Variants in HPD observed in about 807,000 individuals in gnomAD.
HPD encodes 4-hydroxyphenylpyruvate dioxygenase, also known as 4-hydroxyphenylpyruvic acid oxidase.
Under a neutral mutation model 56.9 loss-of-function variants are expected in HPD, and 35 were observed. That is an observed-to-expected ratio of 0.62 (90% CI 0.47 to 0.82). The LOEUF (loss-of-function observed/expected upper bound fraction) is 0.82, where lower values mean the gene tolerates loss of function less well. Among genes scored for constraint, HPD ranks in the 40% least tolerant of loss-of-function variants. The pLI is 0.00. For missense variants in HPD, 442 were observed against 506.8 expected (o/e 0.87, Z 1.23); for synonymous variants, 186 against 200.2 (o/e 0.93, Z 0.60).
chr12:121,871,300 G>A, the HPD span, among the ~76,000 whole-genome samples: 2 of 151,964 alleles, frequency 1.3e-5, no homozygotes, highest in Non-Finnish European at 2.9e-5. Context: ...AGGAGGTTGA[G>A]GCTACAGTGA....
At position 121,849,978 on chromosome 12, in the gene HPD, C is replaced by T. The variant is rs112637816; in HGVS notation, c.415-188G>A. 1,328 of 630,382 alleles carry T rather than the reference C, an allele frequency of 2.1e-3. 17 individuals carry two copies. The African/African-American group carries it at 0.021, about 10-fold the overall frequency. 39.0% of individuals were successfully genotyped at this position (630,382 alleles called of 1,614,324 possible). A position where few individuals can be genotyped will look rare whatever the true frequency, so the allele number is the denominator to read the frequency against. On this transcript the variant is annotated intron_variant, in intron 7 of 13. Transcript: ENST00000289004. ...AATCTGTCACTTGTTTGAGAGTTTC[C>T]GTGAGGGCGGGGACACTGTTTTGCT...
chr12:121,858,636 G>C lies in HPD; in HGVS notation c.30+51C>G, dbSNP rs372487301. On this transcript the variant is annotated intron_variant, in intron 2 of 13. Coordinates refer to ENST00000289004, the MANE Select transcript of HPD (RefSeq NM_002150.3). ...TGAAACCCCAGTCTCCCTGCACTCC[G>C]ACCCCCTTCTAGACTCAGGCCCCTA... 3.8e-6 allele frequency: 6 copies of C among 1,577,078 alleles called. No homozygotes were observed. In the Admixed American group the frequency reaches 6.7e-5, roughly 18 times the overall value.
the HPD span, among the ~76,000 whole-genome samples, chr12:121,886,555 G>A: frequency 4.6e-5 from 7 of 151,828 alleles, no homozygotes; most frequent in East Asian, 7.8e-4. Context: ...TACTCTTCAC[G>A]TGGATTTGCT....
intron 4 of HPD, 155 bp downstream of exon 4, chr12:121,857,173 G>A (rs186175584): frequency 6.3e-5 from 40 of 632,070 alleles, no homozygotes; most frequent in African/African-American, 4.9e-4. Flanking sequence ...TCTGCCTCCC[G>A]GGTTCAAGCG....
chr12:121,888,460 G>A, the HPD span, among the ~76,000 whole-genome samples: 1 of 152,228 alleles, frequency 6.6e-6, no homozygotes, highest in East Asian at 1.9e-4. Flanking sequence ...GGGCTGTGTG[G>A]ATGTGAAGAA....
At chr12:121,842,741 CTTTTTTTTTTTTT>C (rs34879391) in intron 12 of HPD, among the ~76,000 whole-genome samples, 1 of 76,246 alleles carries the variant, frequency 1.3e-5, no homozygotes, top group Non-Finnish European at 2.5e-5. Context: ...TAAAATGGAT[CTTTTTTTTTTTTT>C]TTTTTTTTTT....
At chr12:121,853,918 CAG>C (rs1877899383) in intron 7 of HPD, among the ~76,000 whole-genome samples, 1 of 150,616 alleles carries the variant, frequency 6.6e-6, no homozygotes, top group African/African-American at 2.4e-5. Context: ...GCCTGGGCGA[CAG>C]AGAGACTCCG....
chr12:121,840,030 C>G lies in HPD; in HGVS notation c.973G>C (p.Asp325His), dbSNP rs1419201985. The change falls in exon 13 of 14, where the codon GAC becomes CAC. Residue 325 changes from aspartate (D) to histidine (H), a missense_variant. Coordinates refer to ENST00000289004, the MANE Select transcript of HPD (RefSeq NM_002150.3). ...DALEELKILV[D>H]YDEKGYLLQI... ...AGGAGGTAGCCTTTCTCGTCGTAGT[C>G]CACCAGGATTTTCAGCTCCTAGGCG... 16 of 1,613,186 alleles carry G rather than the reference C, an allele frequency of 9.9e-6. No homozygotes were observed. The highest frequency in any genetic ancestry group is 1.4e-5 in the Non-Finnish European group (16 of 1,179,402).
chr12:121,885,680 T>C, the HPD span, among the ~76,000 whole-genome samples: 2 of 150,686 alleles, frequency 1.3e-5, no homozygotes, highest in Admixed American at 6.6e-5. Context: ...TCAGGAAATT[T>C]GGCCAGGTGC....
the HPD span, among the ~76,000 whole-genome samples, chr12:121,878,358 G>GT: frequency 2.0e-5 from 3 of 152,048 alleles, no homozygotes; most frequent in South Asian, 6.3e-4. Context: ...TGTTTGTTTT[G>GT]TTTTTTTATT....
the HPD span, among the ~76,000 whole-genome samples, chr12:121,876,891 C>T: frequency 1.3e-5 from 2 of 151,750 alleles, no homozygotes; most frequent in South Asian, 2.1e-4. Context: ...GTCAGGAGTT[C>T]GAGACCAGCC....
chr12:121,853,969 G>T (rs1449151947), intron 7 of HPD, among the ~76,000 whole-genome samples: 3 of 148,964 alleles, frequency 2.0e-5, no homozygotes, highest in Middle Eastern at 7.1e-3. Flanking sequence ...AAAGAAAAAG[G>T]CCGGGCACAG....
intron 12 of HPD, among the ~76,000 whole-genome samples, chr12:121,843,420 T>C (rs370151982): frequency 1.3e-5 from 2 of 152,242 alleles, no homozygotes; most frequent in African/African-American, 4.8e-5. Flanking sequence ...GCTCATGATC[T>C]AGACTTCACT....
rs748511539 is a variant in HPD, at chr12:121,855,295, C to A, written c.325-503G>T. On this transcript the variant is annotated intron_variant, in intron 6 of 13. Coordinates refer to ENST00000289004, the MANE Select transcript of HPD (RefSeq NM_002150.3). ...AGGTGAGGACGTTGAAGCACAGAGA[C>A]ATTAAGTCACTTGCCCGAAGTCACA... Among the ~76,000 whole-genome samples, 49 of 152,170 alleles carry A rather than the reference C, an allele frequency of 3.2e-4. 1 individual carries two copies. The highest frequency in any genetic ancestry group is 1.6e-4 in the Non-Finnish European group (11 of 68,040).
At chr12:121,869,350 CAAAAAAAAAAAAA>C in the HPD span, among the ~76,000 whole-genome samples, 1 of 115,516 alleles carries the variant, frequency 8.7e-6, no homozygotes, top group Non-Finnish European at 1.7e-5. Flanking sequence ...AACTTCGTCT[CAAAAAAAAAAAAA>C]AAAAAAAAAA....
Position 121,857,361 on chromosome 12 carries a change from C to G in HPD, c.165G>C (p.Arg55=), listed in dbSNP as rs779372538. The G allele has an allele frequency of 6.2e-7, 1 of 1,614,036 alleles. No individual in the cohort carries two copies. The highest frequency in any genetic ancestry group is 8.5e-7 in the Non-Finnish European group (1 of 1,179,930). ...GTTTGATTACATGGCTGACCACCTC[C>G]CGGGAACCGGTCTCCAGGCCCCTGT... ...LAYRGLETGS[R]EVVSHVIKQG... is the part of the protein sequence containing the mutation. The change falls in exon 4 of 14, where the codon CGG becomes CGC. Residue 55 remains arginine (R), a synonymous_variant. Transcript: ENST00000289004.
intron 9 of HPD, among the ~76,000 whole-genome samples, chr12:121,847,440 G>A (rs1154516): frequency 0.013 from 1,952 of 152,234 alleles, 49 homozygotes; most frequent in African/African-American, 0.044. Flanking sequence ...GCTCACTGCA[G>A]CCTCAATCTC....
At chr12:121,877,955 A>G in the HPD span, among the ~76,000 whole-genome samples, 2 of 152,164 alleles carry the variant, frequency 1.3e-5, no homozygotes, top group African/African-American at 2.4e-5. Flanking sequence ...TTCTATTTGT[A>G]TGAAATATCC....
At chr12:121,864,649 C>T (rs554383002), upstream of HPD, among the ~76,000 whole-genome samples, 68 of 151,214 alleles carry the variant, frequency 4.5e-4, no homozygotes, top group African/African-American at 1.5e-3. Context: ...GTCAGGAGAT[C>T]GAGACCATCC....
Sources: gnomAD v4.1 joint callset for allele counts (sites outside exome capture counted in the v4.1 genomes callset) on GRCh38, gnomAD v4.1.1 for gene constraint, MANE v1.5 for transcripts, NCBI Gene and HGNC (gene_info 2026-07-23, HGNC 2026-07-21) for gene names.